The following CNTNAP2 variants were observed in gnomAD, a reference collection of about 807,000 sequenced individuals.
CNTNAP2 encodes contactin associated protein 2, also known as contactin-associated protein-like 2.
A neutral mutation model predicts 155.2 loss-of-function variants in CNTNAP2; 98 were observed. The ratio of observed to expected loss-of-function variants is 0.63; its 90% confidence interval spans 0.54 to 0.75. The LOEUF (loss-of-function observed/expected upper bound fraction) is 0.75. Ranked by LOEUF, CNTNAP2 falls within the 30% of genes least tolerant of loss-of-function variation. The pLI, the probability that CNTNAP2 is intolerant of heterozygous loss-of-function variation, is 0.00. For missense variants in CNTNAP2, 1,727 were observed against 1,688.1 expected, an observed-to-expected ratio of 1.02 and a Z score of -0.40; for synonymous variants, 651 against 631.2, an observed-to-expected ratio of 1.03 and a Z score of -0.47.
intron 13 of CNTNAP2, among the ~76,000 whole-genome samples, chr7:147,690,862 G>T (rs1796077640): frequency 6.6e-6 from 1 of 151,918 alleles, no homozygotes; most frequent in Non-Finnish European, 1.5e-5. Flanking sequence ...AAATTATATT[G>T]TATTTGCAAT....
rs781340900 is a variant in CNTNAP2, at chr7:147,375,506, T to G, written c.1499-20103T>G. 2.2e-4 allele frequency among the ~76,000 whole-genome samples: 33 copies of G among 152,038 alleles called. 1 individual carries two copies. The highest frequency in any genetic ancestry group is 3.7e-4 in the Non-Finnish European group (25 of 67,974). On this transcript the variant is annotated intron_variant, in intron 9 of 23. Coordinates refer to ENST00000361727, the MANE Select transcript of CNTNAP2 (RefSeq NM_014141.6). The stretch of plus-strand genomic sequence containing the variant: ...CTCTGATAATTACTCTTGCAATCTT[T>G]TAGGGAGGAACAGAAGGTTACATGG...
At chr7:146,994,028 A>T (rs1032844091) in intron 3 of CNTNAP2, among the ~76,000 whole-genome samples, 1 of 152,096 alleles carries the variant, frequency 6.6e-6, no homozygotes, top group African/African-American at 2.4e-5. Context: ...CAGGAGTTGC[A>T]TTTTAGGCAA....
intron 8 of CNTNAP2, among the ~76,000 whole-genome samples, chr7:147,282,990 A>C (rs1805078940): frequency 6.6e-6 from 1 of 151,988 alleles, no homozygotes; most frequent in Non-Finnish European, 1.5e-5. Context: ...CAAAAATTTT[A>C]TGAAGACATT....
intron 1 of CNTNAP2, among the ~76,000 whole-genome samples, chr7:146,469,250 A>C (rs1796758866): frequency 1.3e-5 from 2 of 152,002 alleles, no homozygotes; most frequent in African/African-American, 2.4e-5. Flanking sequence ...CCTTCTGACC[A>C]ATCCAGCTGC....
In CNTNAP2 at chr7:147,913,600, AG is replaced by A. The variant is rs1344009382; in HGVS notation, c.2255+9881del. Among the ~76,000 whole-genome samples, 9 of 152,252 alleles carry A rather than the reference AG, an allele frequency of 5.9e-5. No individual in the cohort carries two copies. In the East Asian group the frequency reaches 1.7e-3, roughly 29 times the overall value. On this transcript the variant is annotated intron_variant, in intron 14 of 23. Transcript: ENST00000361727. ...ATTTCTGTTTCATAGGTTTTAAAAAAGGTTTCTAACATCAGTCTGGAAAACA... is the reference window on the plus strand; with the variant it reads ...ATTTCTGTTTCATAGGTTTTAAAAAAGTTTCTAACATCAGTCTGGAAAACA...
intron 8 of CNTNAP2, among the ~76,000 whole-genome samples, chr7:147,261,688 T>A (rs1013689607): frequency 6.6e-6 from 1 of 151,978 alleles, no homozygotes; most frequent in Non-Finnish European, 1.5e-5. Flanking sequence ...GGGAAAAAAA[T>A]AAAAAATCCA....
chr7:148,045,626 A>T (rs1331806170), intron 15 of CNTNAP2, among the ~76,000 whole-genome samples: 1 of 152,234 alleles, frequency 6.6e-6, no homozygotes, highest in Non-Finnish European at 1.5e-5. Flanking sequence ...GCAACATAAA[A>T]TTGTAAGATT....
chr7:146,844,125 ATATAT>A (rs968813608), intron 3 of CNTNAP2, among the ~76,000 whole-genome samples: 5 of 152,084 alleles, frequency 3.3e-5, no homozygotes, highest in Non-Finnish European at 5.9e-5. Flanking sequence ...CTGTTGGATA[ATATAT>A]TAAAATAAGC....
At chr7:147,553,818 A>G (rs1799898298) in intron 11 of CNTNAP2, among the ~76,000 whole-genome samples, 1 of 152,164 alleles carries the variant, frequency 6.6e-6, no homozygotes. Context: ...TAAAAGCACA[A>G]AAATTAGCCA....
intron 3 of CNTNAP2, among the ~76,000 whole-genome samples, chr7:146,863,701 A>G (rs1259537598): frequency 1.3e-5 from 2 of 152,136 alleles, no homozygotes; most frequent in Non-Finnish European, 2.9e-5. Context: ...AAAGAATCAA[A>G]GAAGCTTTTC....
chr7:147,648,727 C>G (rs1254382465), intron 13 of CNTNAP2, among the ~76,000 whole-genome samples: 1 of 152,128 alleles, frequency 6.6e-6, no homozygotes, highest in African/African-American at 2.4e-5. Flanking sequence ...TACCTCCCAC[C>G]AGGTCCCTCC....
chr7:148,083,894 G>T (rs777832658), intron 15 of CNTNAP2, among the ~76,000 whole-genome samples: 2 of 152,070 alleles, frequency 1.3e-5, no homozygotes, highest in African/African-American at 2.4e-5. Context: ...AATTGCACTT[G>T]TTTTCTTAAG....
chr7:146,734,893 A>T (rs560725916), intron 1 of CNTNAP2, among the ~76,000 whole-genome samples: 1 of 152,312 alleles, frequency 6.6e-6, no homozygotes, highest in East Asian at 1.9e-4. Context: ...TAATGCTGTT[A>T]TCTTTCACCT....
At chr7:147,458,755 T>A (rs1460027267) in intron 10 of CNTNAP2, among the ~76,000 whole-genome samples, 2 of 152,236 alleles carry the variant, frequency 1.3e-5, no homozygotes, top group African/African-American at 4.8e-5. Context: ...ACAGATTTCC[T>A]AGTATCAATA....
intron 1 of CNTNAP2, among the ~76,000 whole-genome samples, chr7:146,555,814 TG>T (rs1163660971): frequency 6.6e-6 from 1 of 152,154 alleles, no homozygotes; most frequent in African/African-American, 2.4e-5. Context: ...CAATTAATAT[TG>T]GGTGACCTGG....
intron 3 of CNTNAP2, among the ~76,000 whole-genome samples, chr7:146,973,711 A>C (rs1379383600): frequency 6.6e-6 from 1 of 152,220 alleles, no homozygotes; most frequent in Non-Finnish European, 1.5e-5. Context: ...AATTATAGTT[A>C]ATATGAATGG....
chr7:146,605,269 G>C lies in CNTNAP2; in HGVS notation c.98-169002G>C, dbSNP rs569060008. ...AGGGCTGGCCATTTTGTGTATTATT[G>C]TACTTGTTCCATATCTCATATTATC... On this transcript the variant is annotated intron_variant, in intron 1 of 23. Transcript: ENST00000361727. Among the ~76,000 whole-genome samples, 9 of 150,826 alleles carry C rather than the reference G, an allele frequency of 6.0e-5. No homozygotes were observed. In the East Asian group the frequency reaches 1.6e-3, roughly 26 times the overall value.
At chr7:148,324,095 G>A (rs1157144763) in intron 21 of CNTNAP2, among the ~76,000 whole-genome samples, 1 of 151,994 alleles carries the variant, frequency 6.6e-6, no homozygotes, top group Non-Finnish European at 1.5e-5. Context: ...ATGTTGGCCA[G>A]GCTGGTCTCG....
Position 148,417,761 on chromosome 7 carries a change from C to A in CNTNAP2, c.*2145C>A, listed in dbSNP as rs907607652. 1.3e-5 allele frequency: 2 copies of A among 152,190 alleles called. No homozygotes were observed. Among genetic ancestry groups the A allele is most frequent in the African/African-American group, 4.8e-5 (2 of 41,448 alleles). The allele number at this position is 152,190 out of a possible 1,614,324, so 9.4% of individuals were successfully genotyped here. The stretch of plus-strand genomic sequence containing the variant: ...AATGCCAGATGGAAATTTATTATTT[C>A]TTGCAATTCCCATGATAGCTCTGTT... On this transcript the variant is annotated 3_prime_UTR_variant, in exon 24 of 24. Transcript: ENST00000361727.
Sources: allele counts gnomAD v4.1 joint callset (sites outside exome capture counted in the v4.1 genomes callset), GRCh38; gene constraint gnomAD v4.1.1; transcripts MANE v1.5; gene names NCBI Gene and HGNC (gene_info 2026-07-23, HGNC 2026-07-21).